AUTS2: variants seen among roughly 807,000 people sequenced by gnomAD.
AUTS2 encodes autism susceptibility gene 2 protein.
AUTS2 carries 17 observed loss-of-function variants against 112.4 expected under a neutral mutation model. That is an observed-to-expected ratio of 0.15 (90% CI 0.10 to 0.23). The LOEUF is 0.23. Ranked by LOEUF, AUTS2 falls within the 10% of genes least tolerant of loss-of-function variation. The pLI is 1.00. For synonymous variants in AUTS2, 751 were observed against 702.7 expected (o/e 1.07, Z -1.09); for missense variants, 1,510 against 1,701.6 (o/e 0.89, Z 1.98).
chr7:70,416,114 T>A (rs1180429408), intron 4 of AUTS2, among the ~76,000 whole-genome samples: 1 of 152,200 alleles, frequency 6.6e-6, no homozygotes, highest in Non-Finnish European at 1.5e-5. Context: ...TGTTTTTTTC[T>A]CACTCAGATT....
At chr7:69,982,696 G>A (rs1363736684) in intron 2 of AUTS2, among the ~76,000 whole-genome samples, 4 of 152,198 alleles carry the variant, frequency 2.6e-5, no homozygotes, top group Admixed American at 6.5e-5. Context: ...TCCTACATGT[G>A]ATAAAACAGC....
At chr7:70,659,410 T>C (rs998864525) in intron 5 of AUTS2, among the ~76,000 whole-genome samples, 59 of 152,180 alleles carry the variant, frequency 3.9e-4, no homozygotes, top group African/African-American at 1.4e-3. Flanking sequence ...GGTGATTCCA[T>C]GTGCGGTCCG....
At chr7:70,661,089 TATC>T (rs1485024402) in intron 5 of AUTS2, among the ~76,000 whole-genome samples, 1 of 151,874 alleles carries the variant, frequency 6.6e-6, no homozygotes, top group Non-Finnish European at 1.5e-5. Flanking sequence ...AGTGGACTGT[TATC>T]ATTCACTCCA....
chr7:70,191,907 A>C (rs1809916983), intron 4 of AUTS2, among the ~76,000 whole-genome samples: 1 of 146,794 alleles, frequency 6.8e-6, no homozygotes. Context: ...CTAAAAATAC[A>C]AAAAAAAAAA....
At chr7:69,739,351 A>G (rs915247566) in intron 1 of AUTS2, among the ~76,000 whole-genome samples, 1 of 152,152 alleles carries the variant, frequency 6.6e-6, no homozygotes, top group Non-Finnish European at 1.5e-5. Flanking sequence ...AACCCAGGCA[A>G]ATGCCTCTTC....
At chr7:70,396,291 A>T (rs975838506) in intron 4 of AUTS2, among the ~76,000 whole-genome samples, 1 of 152,090 alleles carries the variant, frequency 6.6e-6, no homozygotes, top group Admixed American at 6.5e-5. Context: ...ACTATGGATT[A>T]CTATTCATGT....
chr7:70,085,566 C>T (rs1016626041), intron 2 of AUTS2, among the ~76,000 whole-genome samples: 1 of 152,092 alleles, frequency 6.6e-6, no homozygotes, highest in African/African-American at 2.4e-5. Context: ...AGGGTTTCAC[C>T]ATGTTGGCCA....
chr7:70,092,383 A>G (rs1803966070), intron 2 of AUTS2, among the ~76,000 whole-genome samples: 1 of 152,126 alleles, frequency 6.6e-6, no homozygotes, highest in Non-Finnish European at 1.5e-5. Flanking sequence ...GCTTCACATG[A>G]GCTGAGCTCT....
At chr7:70,349,854 C>T (rs551576310) in intron 4 of AUTS2, among the ~76,000 whole-genome samples, 23 of 152,306 alleles carry the variant, frequency 1.5e-4, no homozygotes, top group African/African-American at 5.1e-4. Context: ...ATCAGCTGGA[C>T]GTCAATACCC....
At chr7:69,737,635 T>G (rs552235769) in intron 1 of AUTS2, among the ~76,000 whole-genome samples, 1 of 152,226 alleles carries the variant, frequency 6.6e-6, no homozygotes, top group South Asian at 2.1e-4. Context: ...CAGCCTGCCT[T>G]GTTCATGGCA....
At chr7:70,573,743 T>G (rs2129526160) in intron 5 of AUTS2, among the ~76,000 whole-genome samples, 1 of 152,204 alleles carries the variant, frequency 6.6e-6, no homozygotes, top group Admixed American at 6.5e-5. Flanking sequence ...ATGAGATTAA[T>G]ATAGTAGGAA....
intron 4 of AUTS2, among the ~76,000 whole-genome samples, chr7:70,361,189 T>C (rs1045520017): frequency 2.6e-5 from 4 of 152,030 alleles, no homozygotes; most frequent in African/African-American, 9.7e-5. Flanking sequence ...AAAAATTAGC[T>C]GGGCGTGGTG....
chr7:70,540,231 T>A (rs548516874), intron 5 of AUTS2, among the ~76,000 whole-genome samples: 1 of 152,136 alleles, frequency 6.6e-6, no homozygotes, highest in African/African-American at 2.4e-5. Context: ...GTGGTCATTC[T>A]CTTGGATTTG....
chr7:69,614,506 C>G (rs1450219535), intron 1 of AUTS2, among the ~76,000 whole-genome samples: 6 of 151,664 alleles, frequency 4.0e-5, no homozygotes. Context: ...TGTCACCATG[C>G]CTGGCTAATT....
intron 2 of AUTS2, among the ~76,000 whole-genome samples, chr7:70,024,943 T>C (rs1386215328): frequency 1.3e-5 from 2 of 152,234 alleles, no homozygotes; most frequent in African/African-American, 4.8e-5. Context: ...TCATGTTTGA[T>C]TAATTAACTG....
chr7:70,654,474 A>C (rs1419946579), intron 5 of AUTS2, among the ~76,000 whole-genome samples: 1 of 152,258 alleles, frequency 6.6e-6, no homozygotes, highest in Non-Finnish European at 1.5e-5. Context: ...GTACATGGGA[A>C]TGTAAACCAT....
chr7:69,729,745 C>T (rs1171869583), intron 1 of AUTS2, among the ~76,000 whole-genome samples: 1 of 152,014 alleles, frequency 6.6e-6, no homozygotes, highest in Non-Finnish European at 1.5e-5. Flanking sequence ...TTTTCCTTAT[C>T]TGTGTACAGT....
intron 1 of AUTS2, among the ~76,000 whole-genome samples, chr7:69,649,358 A>C (rs1236547426): frequency 6.6e-6 from 1 of 152,238 alleles, no homozygotes; most frequent in Non-Finnish European, 1.5e-5. Context: ...GCTGGGTTCC[A>C]AACTACCTCC....
chr7:70,165,188 T>C (rs1442971441), intron 4 of AUTS2, among the ~76,000 whole-genome samples: 1 of 151,850 alleles, frequency 6.6e-6, no homozygotes, highest in African/African-American at 2.4e-5. Flanking sequence ...AGAGTGGAAA[T>C]AAAAAATGGA....
Sources: allele counts gnomAD v4.1 joint callset (sites outside exome capture counted in the v4.1 genomes callset), GRCh38; gene constraint gnomAD v4.1.1; transcripts MANE v1.5; gene names NCBI Gene and HGNC (gene_info 2026-07-23, HGNC 2026-07-21).